The following RPS6KA5 variants were observed in gnomAD, a reference collection of about 807,000 sequenced individuals.
RPS6KA5 encodes ribosomal protein S6 kinase A5.
Under a neutral mutation model 85.5 loss-of-function variants are expected in RPS6KA5, and 27 were observed. That is an observed-to-expected ratio of 0.32 (90% CI 0.23 to 0.44). The LOEUF (loss-of-function observed/expected upper bound fraction) is 0.44, where lower values mean the gene tolerates loss of function less well. Ranked by LOEUF, RPS6KA5 falls within the 20% of genes least tolerant of loss-of-function variation. RPS6KA5 has a pLI of 1.00. For missense variants in RPS6KA5, 811 were observed against 980.9 expected, an observed-to-expected ratio of 0.83 and a Z score of 2.31; for synonymous variants, 334 against 348.2, an observed-to-expected ratio of 0.96 and a Z score of 0.46.
intron 1 of RPS6KA5, among the ~76,000 whole-genome samples, chr14:91,003,348 T>C (rs920166781): frequency 1.3e-5 from 2 of 152,162 alleles, no homozygotes; most frequent in Admixed American, 6.5e-5. Flanking sequence ...TTAACTTTCA[T>C]AGGAAATTAA....
intron 2 of RPS6KA5, among the ~76,000 whole-genome samples, chr14:90,991,847 G>A (rs1337921635): frequency 6.6e-6 from 1 of 152,078 alleles, no homozygotes; most frequent in Non-Finnish European, 1.5e-5. Context: ...GATAGTTCAA[G>A]AGAAGCAAGT....
chr14:91,001,973 G>T (rs2040813402), intron 1 of RPS6KA5, among the ~76,000 whole-genome samples: 1 of 152,124 alleles, frequency 6.6e-6, no homozygotes. Context: ...CCTGTATTAT[G>T]AAAATATGCA....
intron 1 of RPS6KA5, among the ~76,000 whole-genome samples, chr14:91,036,552 AC>A (rs1342438373): frequency 6.6e-5 from 10 of 152,238 alleles, no homozygotes; most frequent in Admixed American, 1.3e-4. Flanking sequence ...CCAAAGCAGC[AC>A]ATCAGAAAAG....
chr14:90,901,831 T>C (rs2035186944), intron 9 of RPS6KA5, among the ~76,000 whole-genome samples: 2 of 152,156 alleles, frequency 1.3e-5, no homozygotes, highest in Admixed American at 1.3e-4. Context: ...TTAACAGCAG[T>C]TAAGATTAAT....
At chr14:91,031,925 G>C (rs1206746239) in intron 1 of RPS6KA5, among the ~76,000 whole-genome samples, 1 of 151,822 alleles carries the variant, frequency 6.6e-6, no homozygotes, top group East Asian at 1.9e-4. Flanking sequence ...AGTAGAAACT[G>C]GGAATAAAAT....
chr14:90,971,384 T>C (rs2039315643), intron 3 of RPS6KA5, among the ~76,000 whole-genome samples: 1 of 152,206 alleles, frequency 6.6e-6, no homozygotes, highest in African/African-American at 2.4e-5. Context: ...CAAAGAGACC[T>C]TAAGGCTTGC....
chr14:90,989,939 T>C (rs1038075734), intron 2 of RPS6KA5, among the ~76,000 whole-genome samples: 6 of 152,098 alleles, frequency 3.9e-5, no homozygotes, highest in African/African-American at 4.8e-5. Context: ...AGAGGAAAGA[T>C]TGCAGATGTG....
intron 2 of RPS6KA5, among the ~76,000 whole-genome samples, chr14:90,997,228 ATTACT>A (rs1177586641): frequency 6.6e-6 from 1 of 152,194 alleles, no homozygotes; most frequent in Non-Finnish European, 1.5e-5. Context: ...CACTTCAAAG[ATTACT>A]TTAAACAGAA....
chr14:90,904,332 T>C (rs1430793131), intron 8 of RPS6KA5, among the ~76,000 whole-genome samples: 2 of 152,206 alleles, frequency 1.3e-5, no homozygotes, highest in East Asian at 3.8e-4. Context: ...GTCTTGTAGA[T>C]GCAATAGAAA....
chr14:90,931,234 C>T (rs2036959629), intron 5 of RPS6KA5, among the ~76,000 whole-genome samples: 1 of 152,126 alleles, frequency 6.6e-6, no homozygotes, highest in Non-Finnish European at 1.5e-5. Flanking sequence ...TTGTCACATG[C>T]TACAGCATGC....
At chr14:90,959,391 G>T (rs550615170) in intron 3 of RPS6KA5, among the ~76,000 whole-genome samples, 2 of 152,188 alleles carry the variant, frequency 1.3e-5, no homozygotes, top group Non-Finnish European at 2.9e-5. Flanking sequence ...ACTGTATTGA[G>T]AATAGAAAGG....
intron 3 of RPS6KA5, among the ~76,000 whole-genome samples, chr14:90,960,950 C>CT (rs1252155265): frequency 1.3e-4 from 20 of 152,298 alleles, no homozygotes; most frequent in East Asian, 1.2e-3. Context: ...CTAAGTGGTA[C>CT]TGTTCGTATA....
At chr14:90,953,944 T>C (rs939881220) in intron 3 of RPS6KA5, among the ~76,000 whole-genome samples, 1 of 152,200 alleles carries the variant, frequency 6.6e-6, no homozygotes, top group African/African-American at 2.4e-5. Context: ...CTCAAAAGCA[T>C]GTGATCTTTG....
chr14:91,034,447 C>T (rs908107426), intron 1 of RPS6KA5, among the ~76,000 whole-genome samples: 1 of 152,052 alleles, frequency 6.6e-6, no homozygotes, highest in Non-Finnish European at 1.5e-5. Flanking sequence ...CCAATCAGTG[C>T]TCTGTGTCTA....
chr14:90,951,862 G>A (rs1417778749), intron 3 of RPS6KA5, among the ~76,000 whole-genome samples: 4 of 151,904 alleles, frequency 2.6e-5, no homozygotes, highest in South Asian at 2.1e-4. Flanking sequence ...TGCCATGTCC[G>A]GACTGCGAGT....
chr14:90,961,171 G>A (rs2038776385), intron 3 of RPS6KA5, among the ~76,000 whole-genome samples: 1 of 152,192 alleles, frequency 6.6e-6, no homozygotes, highest in Non-Finnish European at 1.5e-5. Context: ...TTTCATGCCT[G>A]TTCTAGTTAG....
At chr14:90,923,842 A>T (rs1008731606) in intron 5 of RPS6KA5, among the ~76,000 whole-genome samples, 2 of 152,182 alleles carry the variant, frequency 1.3e-5, no homozygotes, top group African/African-American at 4.8e-5. Context: ...ATAGAATTTT[A>T]AAAATTCAAA....
intron 3 of RPS6KA5, among the ~76,000 whole-genome samples, chr14:90,958,327 G>A (rs1037798636): frequency 7.9e-5 from 12 of 152,028 alleles, no homozygotes; most frequent in South Asian, 2.1e-4. Flanking sequence ...TAAATATTGC[G>A]TTTTCCAACC....
intron 3 of RPS6KA5, among the ~76,000 whole-genome samples, chr14:90,961,144 T>C (rs1343244963): frequency 6.6e-6 from 1 of 152,224 alleles, no homozygotes; most frequent in Non-Finnish European, 1.5e-5. Flanking sequence ...ATAGCAACTA[T>C]AGATTTTAGG....
Sources: allele counts gnomAD v4.1 joint callset (sites outside exome capture counted in the v4.1 genomes callset), GRCh38; gene constraint gnomAD v4.1.1; transcripts MANE v1.5; gene names NCBI Gene and HGNC (gene_info 2026-07-23, HGNC 2026-07-21).